Variants in ABCB1 observed in about 807,000 individuals in gnomAD.
ABCB1 encodes the protein ATP-dependent translocase ABCB1.
Under a neutral mutation model 142.0 loss-of-function variants are expected in ABCB1, and 69 were observed. The ratio of observed to expected loss-of-function variants is 0.49; its 90% CI spans 0.40 to 0.59. The LOEUF (loss-of-function observed/expected upper bound fraction) is 0.59. Ranked by LOEUF, ABCB1 falls within the 20% of genes least tolerant of loss-of-function variation. The probability of loss-of-function intolerance (pLI) is 0.00; values close to 1 mark genes in which losing one functional copy is unlikely to be tolerated. For synonymous variants in ABCB1, 532 were observed against 539.2 expected (o/e 0.99, Z 0.18); for missense variants, 1,326 against 1,554.7 (o/e 0.85, Z 2.47).
Position 87,527,978 on chromosome 7 carries a change from C to T in ABCB1, c.2685+3316G>A, listed in dbSNP as rs145610605. Among the ~76,000 whole-genome samples, 1,049 of 152,168 alleles carry T rather than the reference C, an allele frequency of 6.9e-3. 16 individuals are homozygous for T. Among genetic ancestry groups the T allele is most frequent in the African/African-American group, 0.023 (934 of 41,508 alleles). ...AGCTGGGGAGGCCTCACAATCATGG[C>T]GGAAGATGAAGGAAGAGCAGAGGGA... On this transcript the variant is annotated intron_variant, in intron 21 of 27. Transcript: ENST00000622132.
chr7:87,626,200 GTCATATATA>G (rs1563079914), intron 1 of ABCB1, among the ~76,000 whole-genome samples: 24 of 96,370 alleles, frequency 2.5e-4, no homozygotes, highest in Non-Finnish European at 4.3e-4. Context: ...TCATATATAT[GTCATATATA>G]TGTGTCATAT....
At chr7:87,695,180 A>G (rs1015646971) in intron 1 of ABCB1, among the ~76,000 whole-genome samples, 5 of 152,046 alleles carry the variant, frequency 3.3e-5, no homozygotes, top group Non-Finnish European at 7.4e-5. Flanking sequence ...TACTTGTTCT[A>G]TTTTTTAGAA....
chr7:87,652,069 G>A (rs1364176812), intron 1 of ABCB1, among the ~76,000 whole-genome samples: 1 of 151,932 alleles, frequency 6.6e-6, no homozygotes, highest in Non-Finnish European at 1.5e-5. Flanking sequence ...GATATTATTA[G>A]ATACTATATT....
chr7:87,683,447 AGTGAGATATAT>A (rs1827131362), intron 1 of ABCB1, among the ~76,000 whole-genome samples: 1 of 152,196 alleles, frequency 6.6e-6, no homozygotes, highest in African/African-American at 2.4e-5. Flanking sequence ...TTTGATTTAA[AGTGAGATATAT>A]GCCACTCTTC....
intron 4 of ABCB1, among the ~76,000 whole-genome samples, chr7:87,578,854 C>T (rs1026571213): frequency 4.0e-5 from 6 of 151,618 alleles, no homozygotes; most frequent in Admixed American, 2.6e-4. Context: ...CCACCACGCC[C>T]GGCTAATTTT....
At chr7:87,676,703 C>CAAAAAAAAAAAAA (rs57480483) in intron 1 of ABCB1, among the ~76,000 whole-genome samples, 1 of 45,432 alleles carries the variant, frequency 2.2e-5, no homozygotes, top group Admixed American at 2.7e-4. Flanking sequence ...GACCCTGTCT[C>CAAAAAAAAAAAAA]AAAAAAAAAA....
intron 1 of ABCB1, among the ~76,000 whole-genome samples, chr7:87,666,722 C>T (rs1825288170): frequency 6.6e-6 from 1 of 152,068 alleles, no homozygotes; most frequent in African/African-American, 2.4e-5. Context: ...TCCAGTTTTC[C>T]CAGCACCATT....
rs201569270 is a variant in ABCB1 at position 87,549,841 on chromosome 7, G to A, written c.1554+10C>T. The A allele has an allele frequency of 1.6e-5, 26 of 1,613,900 alleles. No homozygotes were observed. In the African/African-American group the frequency reaches 2.7e-4, roughly 17 times the overall value. On this transcript the variant is annotated intron_variant, in intron 13 of 27. Coordinates refer to ENST00000622132, the MANE Select transcript of ABCB1 (RefSeq NM_001348946.2). ...CACCTCTAGAAAGGCAAAGGGCAAG[G>A]ACAACTTACATGAGGCAGTTTCATG...
chr7:87,638,078 A>G (rs777966920), intron 1 of ABCB1, among the ~76,000 whole-genome samples: 2 of 152,070 alleles, frequency 1.3e-5, no homozygotes, highest in Non-Finnish European at 2.9e-5. Context: ...TTGTCTTTCA[A>G]GTAAACGTGA....
chr7:87,650,944 G>C, intron 1 of ABCB1: 6 of 1,477,644 alleles, frequency 4.1e-6, no homozygotes, highest in Non-Finnish European at 5.7e-6. Flanking sequence ...AAAGGTAAAA[G>C]CACTAATGTA....
chr7:87,506,184 G>T, intron 26 of ABCB1, 141 bp from the exon 27 acceptor site: 2 of 842,398 alleles, frequency 2.4e-6, no homozygotes, highest in Non-Finnish European at 1.9e-6. Flanking sequence ...AATAATTAAG[G>T]AAAGAACAGT....
chr7:87,539,681 C>A (rs1816446392), intron 18 of ABCB1, among the ~76,000 whole-genome samples: 1 of 152,162 alleles, frequency 6.6e-6, no homozygotes, highest in Admixed American at 6.5e-5. Context: ...CCACTGGACT[C>A]CCTCCCCATG....
chr7:87,676,981 T>C (rs939687337), intron 1 of ABCB1, among the ~76,000 whole-genome samples: 1 of 151,904 alleles, frequency 6.6e-6, no homozygotes, highest in Non-Finnish European at 1.5e-5. Flanking sequence ...AGATAACAAG[T>C]GTTGGCAAGG....
At chr7:87,505,831 A>G in intron 27 of ABCB1, 66 bp downstream of exon 27, 3 of 1,584,924 alleles carry the variant, frequency 1.9e-6, no homozygotes, top group Middle Eastern at 1.7e-4. Context: ...GTTCTTTACT[A>G]TGGAGAATAC....
intron 23 of ABCB1, 94 bp downstream of exon 23, chr7:87,519,232 T>C: frequency 5.6e-6 from 7 of 1,256,078 alleles, no homozygotes; most frequent in Non-Finnish European, 8.1e-6. Context: ...AATCTCTTCA[T>C]GAGGCTTCAC....
intron 9 of ABCB1, among the ~76,000 whole-genome samples, chr7:87,552,526 C>T (rs917124561): frequency 3.9e-5 from 6 of 151,952 alleles, no homozygotes; most frequent in Non-Finnish European, 8.8e-5. Context: ...TTTTGGATGC[C>T]TCCAGTGTGT....
chr7:87,642,372 A>G (rs1822545589), intron 1 of ABCB1, among the ~76,000 whole-genome samples: 1 of 151,996 alleles, frequency 6.6e-6, no homozygotes, highest in Admixed American at 6.5e-5. Flanking sequence ...TTTAATGTCT[A>G]GCTTACTAGG....
chr7:87,521,531 A>T (rs1440696971), intron 21 of ABCB1: 12 of 757,924 alleles, frequency 1.6e-5, no homozygotes, highest in South Asian at 5.4e-5. Flanking sequence ...TGAGCTCTAC[A>T]TTGGTTGACC....
intron 21 of ABCB1, among the ~76,000 whole-genome samples, chr7:87,525,002 C>T (rs149632881): frequency 8.1e-4 from 123 of 151,870 alleles, no homozygotes; most frequent in Middle Eastern, 6.8e-3. Flanking sequence ...TGTATATAGC[C>T]GAATAAAAGT....
Sources: gnomAD v4.1 joint callset for allele counts (sites outside exome capture counted in the v4.1 genomes callset) on GRCh38, gnomAD v4.1.1 for gene constraint, MANE v1.5 for transcripts, NCBI Gene and HGNC (gene_info 2026-07-23, HGNC 2026-07-21) for gene names.